Variants in MMP20 observed in about 807,000 individuals in gnomAD.
MMP20 encodes matrix metalloproteinase-20.
MMP20 carries 50 observed loss-of-function variants against 51.8 expected under a neutral mutation model. The observed-to-expected ratio is 0.97, with a 90% CI of 0.77 to 1.22. MMP20 has a LOEUF of 1.22. Among genes scored for constraint, MMP20 ranks in the 50% most tolerant of loss-of-function variants. MMP20 has a pLI of 0.00. For missense variants in MMP20, 663 were observed against 601.4 expected, an observed-to-expected ratio of 1.10 and a Z score of -1.07; for synonymous variants, 244 against 216.2, an observed-to-expected ratio of 1.13 and a Z score of -1.13.
chr11:102,608,939 T>G lies in MMP20; in HGVS notation c.809A>C (p.Tyr270Ser), dbSNP rs757046213. The change falls in exon 5 of 10, where the codon TAC becomes TCC. Residue 270 changes from tyrosine (Y) to serine (S), a missense_variant and splice_region_variant. Transcript: ENST00000260228. ...ATCAAAGAAGGTAATAATCTTACCG[T>G]ATAATGCCTGGATCCCTTTCACATC... is the stretch of plus-strand genomic sequence containing the variant. ...KDDVKGIQAL[Y>S]GPRKVFLGKP... The G allele has an allele frequency of 1.2e-5, 20 of 1,614,098 alleles. No individual in the cohort carries two copies. Among genetic ancestry groups the G allele is most frequent in the Admixed American group, 1.7e-5 (1 of 60,006 alleles).
intron 8 of MMP20, among the ~76,000 whole-genome samples, chr11:102,584,380 T>A (rs1457299008): frequency 6.6e-6 from 1 of 152,240 alleles, no homozygotes; most frequent in Non-Finnish European, 1.5e-5. Flanking sequence ...TCATGACTAT[T>A]GATGTTGAGC....
In MMP20 at chr11:102,576,914, C is replaced by T. The variant is rs774781201; in HGVS notation, c.*412G>A. ...GATGGCCAAATGATGGCCACAAAAG[C>T]CATTGCTTGTAAATAATTATAATTC... On this transcript the variant is annotated 3_prime_UTR_variant, in exon 10 of 10. Transcript: ENST00000260228. 92 of 169,518 alleles carry T rather than the reference C, an allele frequency of 5.4e-4. No individual in the cohort carries two copies. Among genetic ancestry groups the T allele is most frequent in the Non-Finnish European group, 9.0e-5 (7 of 77,848 alleles). The allele number at this position is 169,518 out of a possible 1,614,324, so 10.5% of individuals were successfully genotyped here.
At chr11:102,586,127 G>A (rs905378414) in intron 8 of MMP20, among the ~76,000 whole-genome samples, 2 of 152,030 alleles carry the variant, frequency 1.3e-5, no homozygotes, top group Non-Finnish European at 2.9e-5. Context: ...GTTAGGTAGT[G>A]TTTTCCACTC....
chr11:102,615,889 G>A (rs1591623343), intron 2 of MMP20, among the ~76,000 whole-genome samples: 1 of 152,102 alleles, frequency 6.6e-6, no homozygotes, highest in Non-Finnish European at 1.5e-5. Context: ...TGAGGCCCAC[G>A]CAGGCAGGCA....
intron 6 of MMP20, among the ~76,000 whole-genome samples, chr11:102,601,934 T>C (rs907186763): frequency 1.7e-4 from 24 of 143,482 alleles, no homozygotes; most frequent in African/African-American, 6.0e-4. Flanking sequence ...TTAAAAATGC[T>C]TTTCTTTTCT....
rs139809661 is a variant in MMP20, at chr11:102,594,729, G to A, written c.982C>T (p.Arg328Trp). ...RIFWRRQVHLRTGIRPSTITS... is the reference protein window; with the variant it reads ...RIFWRRQVHLWTGIRPSTITS... The stretch of plus-strand genomic sequence containing the variant: ...ATAGTGCTGGGCCGAATTCCTGTCC[G>A]CAAGTGAACCTGCCGTCTCCAGAAA... Residue 328 changes from arginine to tryptophan, a missense_variant, in exon 7 of 10, where the codon CGG becomes TGG. Physicochemically the swap from Arg to Trp is moderately radical, Grantham distance 101. Coordinates refer to ENST00000260228, the MANE Select transcript of MMP20 (RefSeq NM_004771.4). The A allele has an allele frequency of 5.7e-5, 91 of 1,600,630 alleles. No homozygotes were observed. In the African/African-American group the frequency reaches 8.5e-4, roughly 15 times the overall value.
chr11:102,611,894 T>A lies in MMP20; in HGVS notation c.384A>T (p.Lys128Asn). ...CGACAGAACTCATGGAAGGTGTGTA[T>A]TTAGATATTCTGTGAAAACGGAAGG... The part of the protein sequence containing the change: ...KKNTLTYRIS[K>N]YTPSMSSVEV... The change falls in exon 3 of 10, where the codon AAA (lysine) becomes AAT (asparagine). Residue 128 changes from lysine to asparagine, a missense_variant. Lys to Asn is a moderately conservative substitution (Grantham distance 94). Coordinates refer to ENST00000260228, the MANE Select transcript of MMP20 (RefSeq NM_004771.4). The A allele has an allele frequency of 6.2e-7, 1 of 1,614,200 alleles. No homozygotes were observed. Among genetic ancestry groups the A allele is most frequent in the South Asian group, 1.1e-5 (1 of 91,086 alleles).
chr11:102,593,706 C>T, intron 7 of MMP20, 111 bp from the exon 8 acceptor site: 3 of 1,211,798 alleles, frequency 2.5e-6, no homozygotes, highest in Non-Finnish European at 3.6e-6. Context: ...GGGATACTTG[C>T]CATGGCTATA....
intron 1 of MMP20, among the ~76,000 whole-genome samples, chr11:102,619,110 C>T (rs1421219443): frequency 6.6e-6 from 1 of 151,904 alleles, no homozygotes; most frequent in African/African-American, 2.4e-5. Flanking sequence ...GTTAGACCAC[C>T]TTAAGTATTG....
intron 6 of MMP20, among the ~76,000 whole-genome samples, chr11:102,596,645 A>C (rs1859384271): frequency 6.6e-6 from 1 of 152,212 alleles, no homozygotes; most frequent in Non-Finnish European, 1.5e-5. Flanking sequence ...AACTGATGAA[A>C]AACTGAGATC....
chr11:102,594,791 A>T (rs1335669534), intron 6 of MMP20, 34 bp from the exon 7 acceptor site: 9 of 1,284,578 alleles, frequency 7.0e-6, no homozygotes, highest in Non-Finnish European at 8.8e-6. Flanking sequence ...AAAAAAAAAA[A>T]TCAAGATCAA....
chr11:102,609,299 G>A (rs1859562961), intron 4 of MMP20, among the ~76,000 whole-genome samples: 1 of 152,088 alleles, frequency 6.6e-6, no homozygotes, highest in Admixed American at 6.5e-5. Context: ...AAGGGGGTTG[G>A]GGGTGGGGGA....
At chr11:102,600,749 G>C (rs1859435793) in intron 6 of MMP20, among the ~76,000 whole-genome samples, 1 of 152,112 alleles carries the variant, frequency 6.6e-6, no homozygotes, top group African/African-American at 2.4e-5. Context: ...CTCTCCCAAA[G>C]TGCTGGGATT....
At chr11:102,599,476 T>G (rs1430833898) in intron 6 of MMP20, among the ~76,000 whole-genome samples, 2 of 152,246 alleles carry the variant, frequency 1.3e-5, no homozygotes, top group African/African-American at 4.8e-5. Context: ...AATTTCCTAC[T>G]GTCAAATAAG....
chr11:102,584,496 A>G (rs966541747), intron 8 of MMP20, among the ~76,000 whole-genome samples: 5 of 152,272 alleles, frequency 3.3e-5, no homozygotes, highest in African/African-American at 1.2e-4. Context: ...TTATTAATTG[A>G]ATAGTCGTTT....
At chr11:102,595,179 G>A (rs776866704) in intron 6 of MMP20, among the ~76,000 whole-genome samples, 4 of 151,918 alleles carry the variant, frequency 2.6e-5, no homozygotes, top group Non-Finnish European at 4.4e-5. Context: ...CACCTGCCTC[G>A]GCCTCCCAAA....
At chr11:102,619,883 T>G (rs1365786637) in intron 1 of MMP20, among the ~76,000 whole-genome samples, 1 of 152,148 alleles carries the variant, frequency 6.6e-6, no homozygotes, top group Non-Finnish European at 1.5e-5. Context: ...TTCTGGCTGG[T>G]CATATAGGCA....
intron 1 of MMP20, among the ~76,000 whole-genome samples, chr11:102,622,317 G>C (rs1029199777): frequency 6.6e-6 from 1 of 152,114 alleles, no homozygotes; most frequent in Admixed American, 6.5e-5. Context: ...TCTCTGCTTA[G>C]CGTGACCCAG....
At chr11:102,600,507 A>T (rs1859432903) in intron 6 of MMP20, among the ~76,000 whole-genome samples, 1 of 152,092 alleles carries the variant, frequency 6.6e-6, no homozygotes. Flanking sequence ...ATTTTAAGAT[A>T]GGGTCTCGCT....
Sources: gnomAD v4.1 joint callset for allele counts (sites outside exome capture counted in the v4.1 genomes callset) on GRCh38, gnomAD v4.1.1 for gene constraint, MANE v1.5 for transcripts, NCBI Gene and HGNC (gene_info 2026-07-23, HGNC 2026-07-21) for gene names.